SDK1: variants seen among roughly 807,000 people sequenced by gnomAD.
The protein encoded by SDK1 is protein sidekick-1.
A neutral mutation model predicts 245.5 loss-of-function variants in SDK1; 157 were observed. The ratio of observed to expected loss-of-function variants is 0.64; its 90% CI spans 0.56 to 0.73. The LOEUF is 0.73. SDK1 is among the 30% of genes least tolerant of loss of function. SDK1 has a pLI of 0.00. For synonymous variants in SDK1, 1,647 were observed against 1,278.5 expected (o/e 1.29, Z -6.15); for missense variants, 3,583 against 3,002.3 (o/e 1.19, Z -4.52).
chr7:4,231,121 A>G (rs1261291720), intron 40 of SDK1, among the ~76,000 whole-genome samples: 5 of 152,204 alleles, frequency 3.3e-5, no homozygotes, highest in South Asian at 2.1e-4. Flanking sequence ...TAAACCACAT[A>G]CAACCAGCAT....
At chr7:4,124,350 G>A (rs995478620) in intron 25 of SDK1, among the ~76,000 whole-genome samples, 9 of 152,202 alleles carry the variant, frequency 5.9e-5, no homozygotes, top group Admixed American at 5.9e-4. Context: ...GGAAGGATCT[G>A]TCCTGGGCCC....
At chr7:3,642,184 A>T (rs541983053) in intron 4 of SDK1, 79 bp downstream of exon 4, 2 of 1,365,748 alleles carry the variant, frequency 1.5e-6, no homozygotes. Flanking sequence ...TAAGTGTACC[A>T]ATTAAGGTTA....
At chr7:4,221,484 A>C in intron 40 of SDK1, 120 bp downstream of exon 40, 1 of 1,297,370 alleles carries the variant, frequency 7.7e-7, no homozygotes, top group Non-Finnish European at 1.0e-6. Context: ...AGCTGGGACC[A>C]AGAGGGCGGT....
intron 5 of SDK1, among the ~76,000 whole-genome samples, chr7:3,942,699 T>C (rs989088283): frequency 3.9e-5 from 6 of 152,216 alleles, no homozygotes; most frequent in Non-Finnish European, 1.5e-5. Flanking sequence ...CTGCTGGTTT[T>C]TTGGTGGAAT....
At chr7:3,445,873 G>T (rs553138344) in intron 1 of SDK1, among the ~76,000 whole-genome samples, 13 of 151,632 alleles carry the variant, frequency 8.6e-5, no homozygotes, top group Non-Finnish European at 5.9e-5. Flanking sequence ...CCTTCCTGAT[G>T]TTCTAATATT....
At chr7:3,852,521 G>T (rs1780443131) in intron 5 of SDK1, among the ~76,000 whole-genome samples, 1 of 151,690 alleles carries the variant, frequency 6.6e-6, no homozygotes, top group African/African-American at 2.4e-5. Context: ...GCCGAGGCGG[G>T]CGGATCACGA....
At chr7:3,555,835 G>T (rs1779571569) in intron 1 of SDK1, among the ~76,000 whole-genome samples, 1 of 152,128 alleles carries the variant, frequency 6.6e-6, no homozygotes, top group African/African-American at 2.4e-5. Context: ...GATCATCAGA[G>T]AAATGCAAAT....
chr7:3,480,513 C>T (rs1014276725), intron 1 of SDK1, among the ~76,000 whole-genome samples: 5 of 152,198 alleles, frequency 3.3e-5, no homozygotes, highest in Non-Finnish European at 7.3e-5. Context: ...GGAAGAACTT[C>T]GGTGTTCCCG....
At chr7:3,950,860 A>G in intron 5 of SDK1, 63 bp from the exon 6 acceptor site, 1 of 1,291,734 alleles carries the variant, frequency 7.7e-7, no homozygotes, top group Non-Finnish European at 1.1e-6. Flanking sequence ...GTCCCCTCAG[A>G]TAACGGCGGG....
chr7:3,654,856 C>T (rs1034243836), intron 4 of SDK1, among the ~76,000 whole-genome samples: 1 of 152,162 alleles, frequency 6.6e-6, no homozygotes, highest in South Asian at 2.1e-4. Flanking sequence ...TTCACATGAG[C>T]ATATCTTGTG....
chr7:3,558,233 G>A (rs1208366330), intron 1 of SDK1, among the ~76,000 whole-genome samples: 1 of 152,202 alleles, frequency 6.6e-6, no homozygotes, highest in Non-Finnish European at 1.5e-5. Flanking sequence ...GGAGATTTCT[G>A]GAGTAGGCCA....
chr7:3,595,167 CT>C (rs1781012223), intron 1 of SDK1, among the ~76,000 whole-genome samples: 1 of 151,914 alleles, frequency 6.6e-6, no homozygotes, highest in African/African-American at 2.4e-5. Context: ...ATAATGTGAG[CT>C]TTTTCAGCTA....
chr7:3,306,311 G>A, intron 1 of SDK1, among the ~76,000 whole-genome samples: 1 of 152,174 alleles, frequency 6.6e-6, no homozygotes, highest in East Asian at 1.9e-4. Flanking sequence ...CCATTTTGAT[G>A]TATTCCCCTA....
intron 5 of SDK1, among the ~76,000 whole-genome samples, chr7:3,884,091 T>G (rs529367099): frequency 0.014 from 1,416 of 102,642 alleles, 25 homozygotes; most frequent in African/African-American, 0.046. Flanking sequence ...TTGTTTTTTT[T>G]TTTTTTTGAG....
At chr7:3,672,526 A>G (rs986991521) in intron 4 of SDK1, among the ~76,000 whole-genome samples, 2 of 148,520 alleles carry the variant, frequency 1.3e-5, no homozygotes, top group Non-Finnish European at 3.0e-5. Flanking sequence ...AATAAGTCCA[A>G]AAGCAATCTA....
intron 4 of SDK1, among the ~76,000 whole-genome samples, chr7:3,765,339 T>G (rs1780224640): frequency 6.6e-6 from 1 of 152,196 alleles, no homozygotes; most frequent in African/African-American, 2.4e-5. Flanking sequence ...ACCATCCAGA[T>G]AGGGAAATAC....
intron 35 of SDK1, among the ~76,000 whole-genome samples, chr7:4,189,144 G>A (rs749874731): frequency 8.5e-5 from 13 of 152,092 alleles, no homozygotes; most frequent in South Asian, 2.1e-4. Flanking sequence ...CCTCCTTTTC[G>A]TCTATTCATG....
intron 1 of SDK1, among the ~76,000 whole-genome samples, chr7:3,424,896 CA>C: frequency 6.6e-6 from 1 of 152,038 alleles, no homozygotes; most frequent in African/African-American, 2.4e-5. Context: ...GACCCTGTCT[CA>C]AAAAACAAAT....
At chr7:3,540,817 A>C (rs1306498738) in intron 1 of SDK1, among the ~76,000 whole-genome samples, 1 of 152,262 alleles carries the variant, frequency 6.6e-6, no homozygotes, top group East Asian at 1.9e-4. Flanking sequence ...TATATCTATA[A>C]TAAAGGACTT....
Sources: allele counts gnomAD v4.1 joint callset (sites outside exome capture counted in the v4.1 genomes callset), GRCh38; gene constraint gnomAD v4.1.1; transcripts MANE v1.5; gene names NCBI Gene and HGNC (gene_info 2026-07-23, HGNC 2026-07-21).